Variants in PSMC1 observed in about 807,000 individuals in gnomAD.
The protein encoded by PSMC1 is proteasome 26S subunit, ATPase 1, also known as 26S proteasome regulatory subunit 4.
A neutral mutation model predicts 49.8 loss-of-function variants in PSMC1; 5 were observed. That is an observed-to-expected ratio of 0.10 (90% CI 0.05 to 0.21). The LOEUF (loss-of-function observed/expected upper bound fraction) is 0.21, where lower values mean the gene tolerates loss of function less well. Ranked by LOEUF, PSMC1 falls within the 10% of genes least tolerant of loss-of-function variation. The pLI is 1.00. For synonymous variants in PSMC1, 155 were observed against 192.1 expected (o/e 0.81, Z 1.60); for missense variants, 181 against 535.7 (o/e 0.34, Z 6.54).
chr14:90,259,231 G>C lies in PSMC1; in HGVS notation c.57+18G>C. 1 of 1,612,896 alleles carries C rather than the reference G, an allele frequency of 6.2e-7. No individual in the cohort carries two copies. The highest frequency in any genetic ancestry group is 8.5e-7 in the Non-Finnish European group (1 of 1,179,136). On this transcript the variant is annotated intron_variant, in intron 2 of 10. Coordinates refer to ENST00000261303, the MANE Select transcript of PSMC1 (RefSeq NM_002802.3). ...ATGACAAGGTAAATATGCCAGATTT[G>C]TCCTGTGATATGAGCAAATTGTGGA...
At chr14:90,260,259 C>G (rs750496041) in intron 3 of PSMC1, 48 bp downstream of exon 3, 1 of 1,372,656 alleles carries the variant, frequency 7.3e-7, no homozygotes, top group Non-Finnish European at 1.0e-6. Context: ...TTAGGATAAA[C>G]CATCTCTGTG....
rs886149891 is a variant in PSMC1, at chr14:90,269,676, C to T, written c.1033+128C>T. 7 of 1,063,072 alleles carry T rather than the reference C, an allele frequency of 6.6e-6. 1 individual carries two copies. The highest frequency in any genetic ancestry group is 4.5e-4 in the Middle Eastern group (2 of 4,474). 65.9% of individuals were successfully genotyped at this position (1,063,072 alleles called of 1,614,324 possible). ...CTGCAGTGAAACTTAGGATAATTTA[C>T]AAAAAAATAGGTCCTCTTGAGATGA... On this transcript the variant is annotated intron_variant, in intron 9 of 10. Coordinates refer to ENST00000261303, the MANE Select transcript of PSMC1 (RefSeq NM_002802.3).
At chr14:90,263,602 A>C in intron 4 of PSMC1, 60 bp from the exon 5 acceptor site, 2 of 1,567,190 alleles carry the variant, frequency 1.3e-6, no homozygotes, top group South Asian at 2.3e-5. Context: ...CTAGCGAACT[A>C]TCAGGATCAT....
intron 1 of PSMC1, among the ~76,000 whole-genome samples, chr14:90,256,849 G>C (rs982721565): frequency 2.0e-5 from 3 of 152,212 alleles, no homozygotes; most frequent in Non-Finnish European, 2.9e-5. Flanking sequence ...GGTCTCCTGC[G>C]TGGTCTTGTG....
rs1373708280 is a variant in PSMC1 at position 90,265,189 on chromosome 14, T to G, written c.691+23T>G. 2.6e-6 allele frequency: 4 copies of G among 1,528,854 alleles called. No homozygotes were observed. In the East Asian group the frequency reaches 9.0e-5, roughly 34 times the overall value. 94.7% of individuals were successfully genotyped at this position (1,528,854 alleles called of 1,614,324 possible). A position where few individuals can be genotyped will look rare whatever the true frequency, so the allele number is the denominator to read the frequency against. On this transcript the variant is annotated intron_variant, in intron 7 of 10. Coordinates refer to ENST00000261303, the MANE Select transcript of PSMC1 (RefSeq NM_002802.3). ...CAGGTATGCTCTGTTTTTGACACTT[T>G]CCAGGCACCCAGCTGGTCTCTTGAG...
chr14:90,266,448 C>T lies in PSMC1; in HGVS notation c.691+1282C>T, dbSNP rs900498781. On this transcript the variant is annotated intron_variant, in intron 7 of 10. Coordinates refer to ENST00000261303, the MANE Select transcript of PSMC1 (RefSeq NM_002802.3). ...GACGGAGACACCTGTACCCAGAGGC[C>T]GAGAGCTAGAAGAGATCCCTCTTCT... Among the ~76,000 whole-genome samples, 27 of 152,136 alleles carry T rather than the reference C, an allele frequency of 1.8e-4. 2 individuals are homozygous for T.
intron 7 of PSMC1, among the ~76,000 whole-genome samples, chr14:90,266,981 C>T (rs760296544): frequency 6.6e-6 from 1 of 152,156 alleles, no homozygotes; most frequent in Non-Finnish European, 1.5e-5. Context: ...CGTGCTGGCC[C>T]GAGGCTGCCA....
chr14:90,262,187 T>A (rs1373961526), intron 3 of PSMC1, among the ~76,000 whole-genome samples: 1 of 143,298 alleles, frequency 7.0e-6, no homozygotes, highest in Non-Finnish European at 1.5e-5. Flanking sequence ...TTAGGAGATA[T>A]ACCTAATGTA....
intron 1 of PSMC1, 97 bp from the exon 2 acceptor site, chr14:90,259,063 C>T: frequency 9.1e-7 from 1 of 1,103,810 alleles, no homozygotes; most frequent in Non-Finnish European, 1.3e-6. Flanking sequence ...AAATGTTACT[C>T]ACAGGACATG....
In PSMC1 at chr14:90,272,184, G is replaced by A. The variant is rs1891686888; in HGVS notation, c.1189-89G>A. The A allele has an allele frequency of 7.5e-6, 11 of 1,474,286 alleles. No homozygotes were observed. Among genetic ancestry groups the A allele is most frequent in the Non-Finnish European group, 9.2e-6 (10 of 1,086,376 alleles). The allele number at this position is 1,474,286 out of a possible 1,614,324, so 91.3% of individuals were successfully genotyped here. A position where few individuals can be genotyped will look rare whatever the true frequency, so the allele number is the denominator to read the frequency against. On this transcript the variant is annotated intron_variant, in intron 10 of 10. Coordinates refer to ENST00000261303, the MANE Select transcript of PSMC1 (RefSeq NM_002802.3). The surrounding 1 kb of genome is among the most constrained non-coding windows in gnomAD (Gnocchi z 4.5). ...GCTGGGATTACAGGTGTGAGCCACCGCGCCTGGCCTCAGAATAGGTTTTTT... is the reference window on the plus strand; with the variant it reads ...GCTGGGATTACAGGTGTGAGCCACCACGCCTGGCCTCAGAATAGGTTTTTT...
Position 90,269,379 on chromosome 14 carries a change from C to CTTTT in PSMC1, c.882-10_882-7dup. 11 of 1,404,716 alleles carry CTTTT rather than the reference C, an allele frequency of 7.8e-6. No homozygotes were observed. The highest frequency in any genetic ancestry group is 3.9e-5 in the Admixed American group (2 of 50,854). 87.0% of individuals were successfully genotyped at this position (1,404,716 alleles called of 1,614,324 possible). A position where few individuals can be genotyped will look rare whatever the true frequency, so the allele number is the denominator to read the frequency against. On this transcript the variant is annotated splice_polypyrimidine_tract_variant and intron_variant, in intron 8 of 10. Transcript: ENST00000261303. Reference sequence around the variant, plus strand: ...GATCAGTTGAGTCTTCATTCCTTCCCTTTTTTTTTTTCCAAAGATATGACT... The same window carrying CTTTT: ...GATCAGTTGAGTCTTCATTCCTTCCCTTTTTTTTTTTTTTTCCAAAGATATGACT...
intron 2 of PSMC1, among the ~76,000 whole-genome samples, 166 bp from the exon 3 acceptor site, chr14:90,259,949 C>G (rs1891365572): frequency 6.6e-6 from 1 of 152,094 alleles, no homozygotes; most frequent in African/African-American, 2.4e-5. Context: ...ATCATATTTA[C>G]TTATTAAAAT....
intron 10 of PSMC1, 54 bp downstream of exon 10, chr14:90,270,406 A>G (rs1217233683): frequency 2.5e-6 from 4 of 1,572,508 alleles, no homozygotes; most frequent in East Asian, 4.5e-5. Flanking sequence ...TCAATCAGGA[A>G]AGAGTCTATA....
chr14:90,269,770 T>G, intron 9 of PSMC1: 1 of 449,996 alleles, frequency 2.2e-6, no homozygotes, highest in Non-Finnish European at 3.8e-6. Context: ...TGTCTTGTCT[T>G]TTCTTTTCCA....
At position 90,273,142 on chromosome 14, in the gene PSMC1, C is replaced by T. The variant is rs1206482105; in HGVS notation, c.*735C>T. ...TCAGGCCTAAAGCTATTAAGTGGGA[C>T]AGATCAAGGTAAGCGTTCCCTTGAC... On this transcript the variant is annotated 3_prime_UTR_variant, in exon 11 of 11. Coordinates refer to ENST00000261303, the MANE Select transcript of PSMC1 (RefSeq NM_002802.3). The T allele has an allele frequency of 6.6e-6, 1 of 152,222 alleles. No individual in the cohort carries two copies. The highest frequency in any genetic ancestry group is 1.5e-5 in the Non-Finnish European group (1 of 68,054). The allele number at this position is 152,222 out of a possible 1,614,324, so 9.4% of individuals were successfully genotyped here.
At chr14:90,268,503 C>A in intron 8 of PSMC1, 90 bp downstream of exon 8, 1 of 1,285,820 alleles carries the variant, frequency 7.8e-7, no homozygotes. Flanking sequence ...GGGGCTCTCC[C>A]TATGGCCACA....
chr14:90,267,562 T>G (rs1891550148), intron 7 of PSMC1: 1 of 152,252 alleles, frequency 6.6e-6, no homozygotes, highest in African/African-American at 2.4e-5. Context: ...TGCCTCTCCC[T>G]TGGAAGGGCA....
At chr14:90,262,629 A>C (rs116391706) in intron 3 of PSMC1, among the ~76,000 whole-genome samples, 1,924 of 152,212 alleles carry the variant, frequency 0.013, 51 homozygotes, top group African/African-American at 0.044. Flanking sequence ...CTAAAAATCC[A>C]AAAAGTTAGC....
rs17799220 is a variant in PSMC1 at position 90,273,102 on chromosome 14, C to A, written c.*695C>A. The stretch of plus-strand genomic sequence containing the variant: ...CTTTCTCCGTCTATTTCCGTCATTT[C>A]TCTTTCTGAACAAATCAGGCCTAAA... On this transcript the variant is annotated 3_prime_UTR_variant, in exon 11 of 11. Transcript: ENST00000261303. 0.15 allele frequency: 23,073 copies of A among 152,148 alleles called. 2,131 individuals are homozygous for A. The highest frequency in any genetic ancestry group is 0.2 in the South Asian group (985 of 4,816). The allele number at this position is 152,148 out of a possible 1,614,324, so 9.4% of individuals were successfully genotyped here.
Sources: gnomAD v4.1 joint callset for allele counts (sites outside exome capture counted in the v4.1 genomes callset) on GRCh38, gnomAD v4.1.1 for gene constraint, Gnocchi (gnomAD v3.1) non-coding constraint, MANE v1.5 for transcripts, NCBI Gene and HGNC (gene_info 2026-07-23, HGNC 2026-07-21) for gene names.